The following SNX25 variants were observed in gnomAD, a reference collection of about 807,000 sequenced individuals.
SNX25 encodes sorting nexin 25.
In SNX25, 62 loss-of-function variants were observed where a neutral mutation model predicts 113.7. The observed-to-expected ratio is 0.55, with a 90% CI of 0.44 to 0.67. The LOEUF (loss-of-function observed/expected upper bound fraction) is 0.67. SNX25 is among the 30% of genes least tolerant of loss of function. SNX25 has a pLI of 0.00. For synonymous variants in SNX25, 421 were observed against 436.2 expected (o/e 0.97, Z 0.43); for missense variants, 1,014 against 1,161.0 (o/e 0.87, Z 1.84).
intron 1 of SNX25, 50 bp from the exon 2 acceptor site, chr4:185,247,243 GT>G: frequency 8.4e-7 from 1 of 1,189,916 alleles, no homozygotes; most frequent in Non-Finnish European, 1.2e-6. Flanking sequence ...TTTTTTTTAT[GT>G]GATTTATTCA....
At position 185,323,524 on chromosome 4, in the gene SNX25, T is replaced by C; in HGVS notation, c.1477-4T>C. The stretch of plus-strand genomic sequence containing the variant: ...TACTTTTCCTTATCTTCCTGTCTTT[T>C]CAGAATGAAATTCCACAATTAGTTG... On this transcript the variant is annotated splice_region_variant and splice_polypyrimidine_tract_variant and intron_variant, in intron 8 of 18. Transcript: ENST00000652585. 3 of 1,605,916 alleles carry C rather than the reference T, an allele frequency of 1.9e-6. No individual in the cohort carries two copies.
chr4:185,266,371 T>G (rs1207199849), intron 4 of SNX25, among the ~76,000 whole-genome samples: 1 of 152,214 alleles, frequency 6.6e-6, no homozygotes, highest in East Asian at 1.9e-4. Context: ...TGTGGTTTTT[T>G]GTTTTTTGAG....
the SNX25 span, chr4:185,378,604 G>A: frequency 0.2 from 200,765 of 992,950 alleles, 21,128 homozygotes; most frequent in African/African-American, 0.33. Context: ...GACACTCATC[G>A]GACGAATCCA....
intron 10 of SNX25, among the ~76,000 whole-genome samples, chr4:185,337,170 C>A (rs1370643300): frequency 1.3e-5 from 2 of 152,048 alleles, no homozygotes; most frequent in African/African-American, 2.4e-5. Flanking sequence ...TAGTGTTTTG[C>A]AACTGTCACC....
At chr4:185,256,303 C>G (rs1187633326) in intron 2 of SNX25, among the ~76,000 whole-genome samples, 1 of 152,128 alleles carries the variant, frequency 6.6e-6, no homozygotes, top group African/African-American at 2.4e-5. Context: ...TTATCTAAAC[C>G]TTTGTGTCAT....
chr4:185,377,064 T>C, the SNX25 span: 206 of 1,183,348 alleles, frequency 1.7e-4, no homozygotes, highest in Non-Finnish European at 2.4e-4. Flanking sequence ...ACAATATGAA[T>C]TTTCTCTCTT....
At chr4:185,330,692 A>C (rs138000452) in intron 9 of SNX25, among the ~76,000 whole-genome samples, 6 of 152,198 alleles carry the variant, frequency 3.9e-5, no homozygotes, top group African/African-American at 1.4e-4. Flanking sequence ...CCAGTTCACT[A>C]TCTCCAGCCC....
At chr4:185,314,260 A>C (rs1328574121) in intron 7 of SNX25, among the ~76,000 whole-genome samples, 5 of 146,108 alleles carry the variant, frequency 3.4e-5, no homozygotes, top group African/African-American at 1.3e-4. Flanking sequence ...GGGCAAAGAC[A>C]GGAGGATCGC....
At chr4:185,335,213 G>A (rs900183986) in intron 10 of SNX25, among the ~76,000 whole-genome samples, 34 of 151,680 alleles carry the variant, frequency 2.2e-4, no homozygotes, top group African/African-American at 8.0e-4. Flanking sequence ...CCAGCTACTC[G>A]GGAGGCTGAG....
chr4:185,371,386 C>T (rs1391458122), downstream of SNX25, among the ~76,000 whole-genome samples: 3 of 151,550 alleles, frequency 2.0e-5, no homozygotes. Context: ...AAAAAAGATA[C>T]AAAAAATTAG....
In SNX25 at chr4:185,277,825, C is replaced by T. The variant is rs1357120416; in HGVS notation, c.1092-10187C>T. ...TCGGCTCACTGCAAGCTCCGCCTCC[C>T]GGGTTCACGCCATTCTCCTGCCTCA... On this transcript the variant is annotated intron_variant, in intron 5 of 18. Coordinates refer to ENST00000652585, the MANE Select transcript of SNX25 (RefSeq NM_001378034.2). 1.3e-4 allele frequency among the ~76,000 whole-genome samples: 7 copies of T among 54,382 alleles called. 2 individuals are homozygous for T. The highest frequency in any genetic ancestry group is 2.7e-4 in the Non-Finnish European group (7 of 25,502). 35.7% of individuals were successfully genotyped at this position (54,382 alleles called of 152,430 possible).
Position 185,351,431 on chromosome 4 carries a change from T to G in SNX25, c.2302-14T>G. On this transcript the variant is annotated splice_polypyrimidine_tract_variant and intron_variant, in intron 13 of 18. Coordinates refer to ENST00000652585, the MANE Select transcript of SNX25 (RefSeq NM_001378034.2). ...TTTCCCACACTGGAGCAGTTAATCC[T>G]CTTTCTTCCATAGAATCTGCTTTCA... is the stretch of plus-strand genomic sequence containing the variant. 4 of 1,612,400 alleles carry G rather than the reference T, an allele frequency of 2.5e-6. No homozygotes were observed. The highest frequency in any genetic ancestry group is 3.4e-6 in the Non-Finnish European group (4 of 1,179,388).
At chr4:185,342,310 G>A (rs1347168285) in intron 12 of SNX25, among the ~76,000 whole-genome samples, 194 bp downstream of exon 12, 8 of 152,154 alleles carry the variant, frequency 5.3e-5, no homozygotes, top group South Asian at 2.1e-4. Flanking sequence ...GACAGATAAC[G>A]GTCTGATTTT....
the SNX25 span, chr4:185,378,247 C>A: frequency 2.5e-6 from 4 of 1,600,654 alleles, no homozygotes; most frequent in Non-Finnish European, 3.4e-6. Flanking sequence ...GAAATTTCTT[C>A]CTCCAGCGAA....
At chr4:185,368,102 T>C (rs961744971), downstream of SNX25, among the ~76,000 whole-genome samples, 22 of 152,038 alleles carry the variant, frequency 1.4e-4, no homozygotes, top group Admixed American at 1.0e-3. Context: ...GGCGTGAACC[T>C]GGGAGGCGGA....
intron 1 of SNX25, among the ~76,000 whole-genome samples, chr4:185,229,448 G>A (rs1741500693): frequency 6.6e-6 from 1 of 152,214 alleles, no homozygotes. Flanking sequence ...TTCTATGTCT[G>A]TTGTCTTTTT....
chr4:185,335,798 A>G lies in SNX25; in HGVS notation c.1914+3039A>G, dbSNP rs534977951. Among the ~76,000 whole-genome samples, 21 of 152,342 alleles carry G rather than the reference A, an allele frequency of 1.4e-4. No individual in the cohort carries two copies. The South Asian group carries it at 3.7e-3, about 27-fold the overall frequency. On this transcript the variant is annotated intron_variant, in intron 10 of 18. Transcript: ENST00000652585. ...GTAAATGCATGGTGCTGTGCGAGTC[A>G]CTGTGAAGAATCAGTGTAACATAGA... is the stretch of plus-strand genomic sequence containing the variant.
chr4:185,362,147 G>A, intron 17 of SNX25, 42 bp downstream of exon 17: 1 of 1,556,272 alleles, frequency 6.4e-7, no homozygotes, highest in Admixed American at 1.9e-5. Context: ...AGAGATCTGA[G>A]GGAATGTGAA....
At chr4:185,256,775 C>G (rs1189640002) in intron 2 of SNX25, among the ~76,000 whole-genome samples, 1 of 151,658 alleles carries the variant, frequency 6.6e-6, no homozygotes, top group Non-Finnish European at 1.5e-5. Context: ...AGGCGTCCAC[C>G]ACCACACCCG....
Sources: allele counts gnomAD v4.1 joint callset (sites outside exome capture counted in the v4.1 genomes callset), GRCh38; gene constraint gnomAD v4.1.1; transcripts MANE v1.5; gene names NCBI Gene and HGNC (gene_info 2026-07-23, HGNC 2026-07-21).